FRZB: variants seen among roughly 807,000 people sequenced by gnomAD.
FRZB encodes the protein secreted frizzled-related protein 3.
A neutral mutation model predicts 32.5 loss-of-function variants in FRZB; 34 were observed. The ratio of observed to expected loss-of-function variants is 1.05; its 90% CI spans 0.80 to 1.39. The LOEUF is 1.39. FRZB is among the 40% of genes most tolerant of loss of function. The probability of loss-of-function intolerance (pLI) is 0.00; values close to 1 mark genes in which losing one functional copy is unlikely to be tolerated. For synonymous variants in FRZB, 170 were observed against 159.2 expected (o/e 1.07, Z -0.51); for missense variants, 423 against 424.8 (o/e 1.00, Z 0.04).
At chr2:182,855,039 T>C (rs1165778708) in intron 2 of FRZB, among the ~76,000 whole-genome samples, 2 of 152,192 alleles carry the variant, frequency 1.3e-5, no homozygotes, top group African/African-American at 4.8e-5. Context: ...GACCTCATAC[T>C]GGCCACTGAG....
intron 1 of FRZB, among the ~76,000 whole-genome samples, chr2:182,863,075 T>C (rs1330763186): frequency 2.6e-5 from 4 of 152,138 alleles, no homozygotes; most frequent in Non-Finnish European, 5.9e-5. Context: ...AGCTTTAATT[T>C]CATCTTTACC....
chr2:182,842,949 A>C (rs977302865), intron 2 of FRZB, among the ~76,000 whole-genome samples: 7 of 152,102 alleles, frequency 4.6e-5, no homozygotes, highest in Admixed American at 3.3e-4. Flanking sequence ...ACTATCACCT[A>C]ATGTTTTTTT....
rs564920150 is a variant in FRZB at position 182,853,748 on chromosome 2, T to C, written c.526+5038A>G. Among the ~76,000 whole-genome samples the C allele has an allele frequency of 4.6e-5, 7 of 152,278 alleles. No homozygotes were observed. In the South Asian group the frequency reaches 1.0e-3, roughly 23 times the overall value. The stretch of plus-strand genomic sequence containing the variant: ...CTTATTTACAACTTAATAAAATAAA[T>C]GTTTCATTTCCACAGATAAGACACC... On this transcript the variant is annotated intron_variant, in intron 2 of 5. Transcript: ENST00000295113.
chr2:182,854,401 A>C (rs1695745024), intron 2 of FRZB, among the ~76,000 whole-genome samples: 1 of 152,234 alleles, frequency 6.6e-6, no homozygotes, highest in Non-Finnish European at 1.5e-5. Context: ...TACAAGCATA[A>C]CAGGAAGACT....
chr2:182,855,617 G>A (rs1695759936), intron 2 of FRZB, among the ~76,000 whole-genome samples: 1 of 152,100 alleles, frequency 6.6e-6, no homozygotes, highest in Non-Finnish European at 1.5e-5. Context: ...AGAGAAAAAA[G>A]ATTAGGAGAA....
intron 2 of FRZB, among the ~76,000 whole-genome samples, chr2:182,857,656 T>C (rs1695784907): frequency 6.7e-6 from 1 of 149,546 alleles, no homozygotes; most frequent in Non-Finnish European, 1.5e-5. Context: ...TATAAGCTTC[T>C]ACTCTAAGAA....
chr2:182,843,548 G>T (rs998616496), intron 2 of FRZB, among the ~76,000 whole-genome samples: 5 of 152,112 alleles, frequency 3.3e-5, no homozygotes, highest in Non-Finnish European at 7.4e-5. Context: ...AATGGTATGT[G>T]CTTCTCTTTT....
At chr2:182,859,855 C>G (rs559301512) in intron 1 of FRZB, among the ~76,000 whole-genome samples, 1 of 152,292 alleles carries the variant, frequency 6.6e-6, no homozygotes, top group East Asian at 1.9e-4. Flanking sequence ...AACACTAATT[C>G]TAAAACATTT....
chr2:182,854,002 AC>A (rs2105760713), intron 2 of FRZB, among the ~76,000 whole-genome samples: 1 of 152,368 alleles, frequency 6.6e-6, no homozygotes, highest in East Asian at 1.9e-4. Context: ...CTACTGCTAT[AC>A]ACAGCCTAAT....
At chr2:182,857,190 A>G (rs1695778954) in intron 2 of FRZB, among the ~76,000 whole-genome samples, 1 of 152,220 alleles carries the variant, frequency 6.6e-6, no homozygotes, top group South Asian at 2.1e-4. Flanking sequence ...CATAATCCCA[A>G]ATGATGCACA....
At chr2:182,838,942 A>T (rs1695557772) in intron 3 of FRZB, among the ~76,000 whole-genome samples, 1 of 152,140 alleles carries the variant, frequency 6.6e-6, no homozygotes, top group Non-Finnish European at 1.5e-5. Context: ...TTTTTCTCTA[A>T]AATTCCATTT....
intron 3 of FRZB, among the ~76,000 whole-genome samples, chr2:182,842,200 T>C (rs148346997): frequency 6.6e-6 from 1 of 152,194 alleles, no homozygotes; most frequent in Non-Finnish European, 1.5e-5. Flanking sequence ...AAGAGTCCCA[T>C]GTATCTTGAT....
At chr2:182,855,128 G>A (rs531600749) in intron 2 of FRZB, among the ~76,000 whole-genome samples, 3 of 152,284 alleles carry the variant, frequency 2.0e-5, no homozygotes, top group African/African-American at 7.2e-5. Context: ...ACAACCCACA[G>A]AAGACCAGTC....
chr2:182,854,513 C>A (rs2105760995), intron 2 of FRZB, among the ~76,000 whole-genome samples: 1 of 152,288 alleles, frequency 6.6e-6, no homozygotes, highest in Admixed American at 6.5e-5. Flanking sequence ...TAGAGGCAAG[C>A]ATTTTGCAGA....
Position 182,858,844 on chromosome 2 carries a change from G to A in FRZB, c.479-11C>T, listed in dbSNP as rs747716894. Reference sequence around the variant, plus strand: ...AATCCATAGGAAAATCTGAAAGGAGGTGACAGAAAAAAGAACTATAACATA... The same window carrying A: ...AATCCATAGGAAAATCTGAAAGGAGATGACAGAAAAAAGAACTATAACATA... On this transcript the variant is annotated splice_polypyrimidine_tract_variant and intron_variant, in intron 1 of 5. Coordinates refer to ENST00000295113, the MANE Select transcript of FRZB (RefSeq NM_001463.4). The A allele has an allele frequency of 6.2e-7, 1 of 1,604,994 alleles. No individual in the cohort carries two copies. The highest frequency in any genetic ancestry group is 1.7e-5 in the Admixed American group (1 of 59,980).
At chr2:182,847,969 G>A (rs375262083) in intron 2 of FRZB, among the ~76,000 whole-genome samples, 1 of 151,806 alleles carries the variant, frequency 6.6e-6, no homozygotes, top group African/African-American at 2.4e-5. Flanking sequence ...ATCTTCAAGG[G>A]TATCAGTATT....
chr2:182,845,530 G>A (rs780817711), intron 2 of FRZB, among the ~76,000 whole-genome samples: 3 of 151,962 alleles, frequency 2.0e-5, no homozygotes, highest in Non-Finnish European at 1.5e-5. Flanking sequence ...GCTTATAAAT[G>A]AATTAGCATC....
At chr2:182,865,709 A>G (rs1322499808) in intron 1 of FRZB, among the ~76,000 whole-genome samples, 1 of 152,224 alleles carries the variant, frequency 6.6e-6, no homozygotes, top group Admixed American at 6.5e-5. Flanking sequence ...TTATAAACAC[A>G]TTTTAAAAGA....
intron 2 of FRZB, among the ~76,000 whole-genome samples, chr2:182,848,382 A>G (rs138462625): frequency 6.6e-6 from 1 of 152,334 alleles, no homozygotes; most frequent in African/African-American, 2.4e-5. Context: ...AAGATGGGCA[A>G]TATACCACTT....
Sources: allele counts gnomAD v4.1 joint callset (sites outside exome capture counted in the v4.1 genomes callset), GRCh38; gene constraint gnomAD v4.1.1; transcripts MANE v1.5; gene names NCBI Gene and HGNC (gene_info 2026-07-23, HGNC 2026-07-21).